The following NOX1 variants were observed in gnomAD, a reference collection of about 807,000 sequenced individuals.
The protein encoded by NOX1 is NADPH oxidase 1.
In NOX1, 34 loss-of-function variants were observed where a neutral mutation model predicts 42.5. The observed-to-expected ratio is 0.80, with a 90% CI of 0.61 to 1.07. The LOEUF is 1.07. Ranked by LOEUF, NOX1 falls within the 50% of genes least tolerant of loss-of-function variation. NOX1 has a pLI of 0.00. For missense variants in NOX1, 408 were observed against 427.0 expected (o/e 0.96, Z 0.39); for synonymous variants, 143 against 152.5 (o/e 0.94, Z 0.46).
At chrX:100,855,998 A>T (rs1219505612) in intron 7 of NOX1, 41 of 1,103,051 alleles carry the variant, frequency 3.7e-5, no homozygotes, top group South Asian at 7.3e-5. Flanking sequence ...CATTTTTCCA[A>T]ACTGTTCAAA....
At chrX:100,853,296 T>TTCTCTCTCTTTCTCTTTC (rs764385712) in intron 7 of NOX1, among the ~76,000 whole-genome samples, 1 of 63,846 alleles carries the variant, frequency 1.6e-5, no homozygotes, top group Non-Finnish European at 2.9e-5. Flanking sequence ...CTTTCTTTCT[T>TTCTCTCTCTTTCTCTTTC]TCTTTCTTTC....
At chrX:100,866,706 A>T (rs1349561059) in intron 2 of NOX1, among the ~76,000 whole-genome samples, 3 of 96,100 alleles carry the variant, frequency 3.1e-5, no homozygotes, top group Admixed American at 1.3e-4. Context: ...TAAAATAGGG[A>T]TTTAAAAAAT....
At position 100,849,813 on chromosome X, in the gene NOX1, A is replaced by G. The variant is rs200310850; in HGVS notation, c.1255T>C (p.Tyr419His). The G allele has an allele frequency of 6.6e-6, 8 of 1,209,765 alleles. No individual in the cohort carries two copies. In the East Asian group the frequency reaches 2.4e-4, roughly 36 times the overall value. ...PFASILKSIW[Y>H]KFQCADHNLK... ...TTGTGGTCTGCACACTGGAATTTGT[A>G]CCAGATGGATTTCAAGATAGAAGCA... The change falls in exon 10 of 13, where the codon TAC becomes CAC. Residue 419 changes from tyrosine (Y) to histidine (H), a missense_variant. Physicochemically the swap from Tyr to His is moderately conservative, Grantham distance 83. Transcript: ENST00000372966.
chrX:100,851,388 G>T, intron 7 of NOX1, 63 bp from the exon 8 acceptor site: 1 of 593,285 alleles, frequency 1.7e-6, no homozygotes, highest in Admixed American at 3.8e-5. Flanking sequence ...ACTTATTTGT[G>T]TAGCAGTTCA....
intron 7 of NOX1, among the ~76,000 whole-genome samples, chrX:100,858,929 C>T (rs987030799): frequency 1.8e-5 from 2 of 111,399 alleles, no homozygotes; most frequent in African/African-American, 6.5e-5. Context: ...TTATTTCTTT[C>T]TCCTGCCTGA....
intron 12 of NOX1, among the ~76,000 whole-genome samples, chrX:100,848,374 T>C (rs2085088255): frequency 9.0e-6 from 1 of 111,124 alleles, no homozygotes; most frequent in African/African-American, 3.3e-5. Flanking sequence ...CATTGCAACC[T>C]CTGCCTCCCA....
intron 7 of NOX1, chrX:100,856,162 G>A (rs756953707): frequency 1.2e-4 from 107 of 914,633 alleles, no homozygotes; most frequent in Non-Finnish European, 1.5e-4. Context: ...GTGGCCTTGC[G>A]TTCGTGGCTG....
At chrX:100,844,787 A>AT (rs960490896) in intron 12 of NOX1, among the ~76,000 whole-genome samples, 2 of 112,032 alleles carry the variant, frequency 1.8e-5, no homozygotes, top group African/African-American at 6.5e-5. Context: ...TAAAATGGGG[A>AT]TAAAAATAGT....
At chrX:100,850,729 A>G (rs1277811726) in intron 8 of NOX1, among the ~76,000 whole-genome samples, 1 of 112,401 alleles carries the variant, frequency 8.9e-6, no homozygotes, top group Non-Finnish European at 1.9e-5. Context: ...GCTCTGGCCC[A>G]GGCTGCCTGT....
At chrX:100,868,476 C>T (rs187816651) in intron 2 of NOX1, among the ~76,000 whole-genome samples, 25 of 110,979 alleles carry the variant, frequency 2.3e-4, no homozygotes, top group Non-Finnish European at 3.6e-4. Flanking sequence ...CGTGCTTCCT[C>T]CTGGTCACCT....
intron 12 of NOX1, among the ~76,000 whole-genome samples, chrX:100,844,537 A>G (rs1244234928): frequency 9.0e-6 from 1 of 111,311 alleles, no homozygotes; most frequent in Non-Finnish European, 1.9e-5. Context: ...GGTTCAAGCA[A>G]TTTTCCTGCC....
At chrX:100,863,732 C>T (rs2085221866) in intron 2 of NOX1, 137 bp from the exon 3 acceptor site, 1 of 980,115 alleles carries the variant, frequency 1.0e-6, no homozygotes, top group African/African-American at 2.0e-5. Context: ...CAGTAGCTAA[C>T]ACCATCAGGC....
Position 100,873,994 on chromosome X carries a change from G to T in NOX1, c.45+101C>A. ...ACTGGTCTTGATGAGCCCAATAATC[G>T]GCATGGAATCATCTTTCTCTTTCAA... On this transcript the variant is annotated intron_variant, in intron 1 of 12. Transcript: ENST00000372966. The T allele has an allele frequency of 3.3e-6, 2 of 605,093 alleles. 1 individual carries two copies. Among genetic ancestry groups the T allele is most frequent in the South Asian group, 6.9e-5 (2 of 28,925 alleles). The allele number at this position is 605,093 out of a possible 1,213,427, so 49.9% of individuals were successfully genotyped here.
intron 1 of NOX1, among the ~76,000 whole-genome samples, chrX:100,872,827 A>G (rs2085283737): frequency 9.1e-6 from 1 of 110,372 alleles, no homozygotes; most frequent in Admixed American, 9.8e-5. Flanking sequence ...GATCGAGATC[A>G]CCCAGTTAGT....
intron 1 of NOX1, among the ~76,000 whole-genome samples, chrX:100,872,723 T>C (rs2085282884): frequency 1.8e-5 from 2 of 109,977 alleles, no homozygotes; most frequent in African/African-American, 6.6e-5. Flanking sequence ...GTATCTAATC[T>C]AGTCACTTTA....
At chrX:100,870,843 A>G in intron 1 of NOX1, 29 bp from the exon 2 acceptor site, 1 of 938,166 alleles carries the variant, frequency 1.1e-6, no homozygotes. Context: ...ACATGCAAAG[A>G]ATAAAGTGAA....
chrX:100,849,400 C>T lies in NOX1; in HGVS notation c.1323G>A (p.Glu441=), dbSNP rs759047316. ...KKIYFYWICR[E]TGAFSWFNNL... Reference sequence around the variant, plus strand: ...TGTTGAACCAGGAAAAGGCACCTGTCTCCCTGCAGATCCAGTAGAAATAGA... The same window carrying T: ...TGTTGAACCAGGAAAAGGCACCTGTTTCCCTGCAGATCCAGTAGAAATAGA... The change falls in exon 11 of 13, where the codon GAG becomes GAA. Residue 441 remains glutamate (E), a synonymous_variant. Coordinates refer to ENST00000372966, the MANE Select transcript of NOX1 (RefSeq NM_007052.5). 1 of 1,211,015 alleles carries T rather than the reference C, an allele frequency of 8.3e-7. No homozygotes were observed. The highest frequency in any genetic ancestry group is 2.2e-5 in the Admixed American group (1 of 46,032).
rs554429746 is a variant in NOX1, at chrX:100,874,166, T to C, written c.-27A>G. The C allele has an allele frequency of 3.5e-5, 39 of 1,123,986 alleles. No individual in the cohort carries two copies. In the South Asian group the frequency reaches 6.9e-4, roughly 20 times the overall value. The allele number at this position is 1,123,986 out of a possible 1,213,427, so 92.6% of individuals were successfully genotyped here. A position where few individuals can be genotyped will look rare whatever the true frequency, so the allele number is the denominator to read the frequency against. ...GTCAAGAGGTGGTTTGGAGCCCTTC[T>C]AGGCAACAGGGAAGATTCAGCAATC... On this transcript the variant is annotated 5_prime_UTR_variant, in exon 1 of 13. Transcript: ENST00000372966.
At chrX:100,855,861 C>G in intron 7 of NOX1, 1 of 1,161,315 alleles carries the variant, frequency 8.6e-7, no homozygotes. Flanking sequence ...CCTAACTTCA[C>G]AGTTGTGGCC....
Sources: allele counts gnomAD v4.1 joint callset (sites outside exome capture counted in the v4.1 genomes callset), GRCh38; gene constraint gnomAD v4.1.1; transcripts MANE v1.5; gene names NCBI Gene and HGNC (gene_info 2026-07-23, HGNC 2026-07-21).